Variants in SAMD13 observed in about 807,000 individuals in gnomAD.
The protein encoded by SAMD13 is sterile alpha motif domain-containing protein 13.
Under a neutral mutation model 12.4 loss-of-function variants are expected in SAMD13, and 9 were observed. The ratio of observed to expected loss-of-function variants is 0.72; its 90% confidence interval spans 0.44 to 1.26. SAMD13 has a LOEUF of 1.26. Ranked by LOEUF, SAMD13 falls within the 50% of genes most tolerant of loss-of-function variation. The probability of loss-of-function intolerance (pLI) is 0.00; values close to 1 mark genes in which losing one functional copy is unlikely to be tolerated. For synonymous variants in SAMD13, 46 were observed against 45.4 expected (o/e 1.01, Z -0.05); for missense variants, 84 against 119.6 (o/e 0.70, Z 1.39).
At chr1:84,325,777 A>C in intron 3 of SAMD13, 29 bp downstream of exon 3, 2 of 1,361,920 alleles carry the variant, frequency 1.5e-6, no homozygotes, top group Non-Finnish European at 2.1e-6. Context: ...ACACGTGATG[A>C]ACATGTGATG....
chr1:84,349,837 A>G lies in SAMD13; in HGVS notation c.*63A>G. 1.3e-6 allele frequency: 2 copies of G among 1,560,674 alleles called. No homozygotes were observed. The highest frequency in any genetic ancestry group is 3.9e-5 in the Admixed American group (2 of 51,160). The stretch of plus-strand genomic sequence containing the variant: ...TAATGACATAATTTAGTTTCATGTA[A>G]TGAAACTTTGTAAACAGAATACATA... On this transcript the variant is annotated 3_prime_UTR_variant, in exon 4 of 4. Coordinates refer to ENST00000394834, the MANE Select transcript of SAMD13 (RefSeq NM_001134663.2).
chr1:84,329,895 C>T (rs1679137393), intron 3 of SAMD13, among the ~76,000 whole-genome samples: 1 of 152,152 alleles, frequency 6.6e-6, no homozygotes, highest in Admixed American at 6.6e-5. Context: ...TGCAGTTGCT[C>T]ACCATGTAGG....
chr1:84,302,069 A>G (rs1238457786), intron 1 of SAMD13: 2 of 152,190 alleles, frequency 1.3e-5, no homozygotes, highest in African/African-American at 4.8e-5. Context: ...GGATTTCTCT[A>G]TCAATGATCT....
At position 84,331,354 on chromosome 1, in the gene SAMD13, A is replaced by AAAAAAAAAAAAAAAAAATAC. The variant is rs553761794; in HGVS notation, c.165+5610_165+5611insAAAAAAAAAAAAATACAAAA. 8.5e-5 allele frequency among the ~76,000 whole-genome samples: 7 copies of AAAAAAAAAAAAAAAAAATAC among 82,432 alleles called. 3 individuals are homozygous for AAAAAAAAAAAAAAAAAATAC. The highest frequency in any genetic ancestry group is 4.7e-5 in the Non-Finnish European group (2 of 42,548). The allele number at this position is 82,432 out of a possible 152,430, so 54.1% of individuals were successfully genotyped here. A position where few individuals can be genotyped will look rare whatever the true frequency, so the allele number is the denominator to read the frequency against. ...AAAAAAAAAAAAAAAAAAAAAAAAA[A>AAAAAAAAAAAAAAAAAATAC]AAAATTATGGATACAAACTTGTTAA... On this transcript the variant is annotated intron_variant, in intron 3 of 3. Transcript: ENST00000394834.
chr1:84,344,335 C>G (rs1048998769), intron 3 of SAMD13, among the ~76,000 whole-genome samples: 1 of 152,118 alleles, frequency 6.6e-6, no homozygotes, highest in Admixed American at 6.6e-5. Flanking sequence ...TAAGGTGAAG[C>G]CTCCCCACAG....
chr1:84,338,527 TC>T (rs1404025026), intron 3 of SAMD13, among the ~76,000 whole-genome samples: 2 of 144,016 alleles, frequency 1.4e-5, no homozygotes, highest in Non-Finnish European at 3.0e-5. Context: ...AACCTCTGCC[TC>T]CCGGGTTCAA....
chr1:84,338,232 G>A (rs1453102736), intron 3 of SAMD13, among the ~76,000 whole-genome samples: 1 of 152,008 alleles, frequency 6.6e-6, no homozygotes, highest in Non-Finnish European at 1.5e-5. Flanking sequence ...ACTTACTGTA[G>A]TAGTCTATTT....
At chr1:84,313,744 A>T (rs1678765852) in intron 2 of SAMD13, among the ~76,000 whole-genome samples, 1 of 152,058 alleles carries the variant, frequency 6.6e-6, no homozygotes, top group Non-Finnish European at 1.5e-5. Flanking sequence ...TATTAATGCC[A>T]CTTCTTTTCT....
chr1:84,336,517 A>G (rs1284464585), intron 3 of SAMD13, among the ~76,000 whole-genome samples: 1 of 152,182 alleles, frequency 6.6e-6, no homozygotes, highest in East Asian at 1.9e-4. Flanking sequence ...TTTTAAAACC[A>G]TCAGATCTCC....
chr1:84,337,881 A>G (rs1679335646), intron 3 of SAMD13, among the ~76,000 whole-genome samples: 1 of 152,158 alleles, frequency 6.6e-6, no homozygotes, highest in African/African-American at 2.4e-5. Context: ...CTTTTACCAG[A>G]TACCCTAAAT....
intron 2 of SAMD13, among the ~76,000 whole-genome samples, chr1:84,316,409 G>T (rs1039077595): frequency 3.9e-4 from 60 of 152,062 alleles, no homozygotes; most frequent in African/African-American, 1.4e-3. Context: ...TATGGTAAAA[G>T]ATAATCCAGT....
chr1:84,344,056 T>C (rs970302047), intron 3 of SAMD13, among the ~76,000 whole-genome samples: 3 of 149,054 alleles, frequency 2.0e-5, no homozygotes, highest in African/African-American at 7.5e-5. Flanking sequence ...GTGTTTCAGG[T>C]TTTTGTTTTT....
In SAMD13 at chr1:84,302,226, A is replaced by G. The variant is rs1189732814; in HGVS notation, c.-33+425A>G. Among the ~76,000 whole-genome samples, 3 of 152,288 alleles carry G rather than the reference A, an allele frequency of 2.0e-5. No homozygotes were observed. In the South Asian group the frequency reaches 6.2e-4, roughly 32 times the overall value. ...TACTAAATGATGCACTTGCCATGTC[A>G]GAGTAATCCCTAGAGAAGGAGTGCC... is the stretch of plus-strand genomic sequence containing the variant. On this transcript the variant is annotated intron_variant, in intron 1 of 3. Coordinates refer to ENST00000394834, the MANE Select transcript of SAMD13 (RefSeq NM_001134663.2).
chr1:84,346,660 C>A (rs926078144), intron 3 of SAMD13, among the ~76,000 whole-genome samples: 5 of 152,138 alleles, frequency 3.3e-5, no homozygotes, highest in African/African-American at 1.2e-4. Context: ...ACCTGTCTTC[C>A]AGTTTCCAGT....
intron 3 of SAMD13, among the ~76,000 whole-genome samples, chr1:84,339,474 G>A (rs1203485972): frequency 2.0e-5 from 3 of 152,050 alleles, no homozygotes; most frequent in African/African-American, 7.2e-5. Context: ...GCACTTCTGG[G>A]CTGCATGCTG....
At chr1:84,321,930 A>G (rs930110588) in intron 2 of SAMD13, among the ~76,000 whole-genome samples, 1 of 152,178 alleles carries the variant, frequency 6.6e-6, no homozygotes, top group African/African-American at 2.4e-5. Flanking sequence ...AACACGAGCA[A>G]CCTAGAAGTG....
chr1:84,336,441 G>A (rs1488430105), intron 3 of SAMD13, among the ~76,000 whole-genome samples: 1 of 152,156 alleles, frequency 6.6e-6, no homozygotes, highest in African/African-American at 2.4e-5. Flanking sequence ...GCAACCAGGA[G>A]CAAGTCACAT....
At chr1:84,346,615 T>A (rs542414930) in intron 3 of SAMD13, among the ~76,000 whole-genome samples, 2 of 152,332 alleles carry the variant, frequency 1.3e-5, no homozygotes, top group Non-Finnish European at 2.9e-5. Context: ...AGAGGAGTTG[T>A]TCCTTACGGA....
intron 2 of SAMD13, among the ~76,000 whole-genome samples, chr1:84,310,777 A>G (rs1300039973): frequency 6.6e-6 from 1 of 152,192 alleles, no homozygotes; most frequent in Non-Finnish European, 1.5e-5. Context: ...TTGAATTCAA[A>G]GGGGTTTTGC....
Sources: allele counts gnomAD v4.1 joint callset (sites outside exome capture counted in the v4.1 genomes callset), GRCh38; gene constraint gnomAD v4.1.1; transcripts MANE v1.5; gene names NCBI Gene and HGNC (gene_info 2026-07-23, HGNC 2026-07-21).